Variants in PTPRD observed in about 807,000 individuals in gnomAD.
The protein encoded by PTPRD is protein tyrosine phosphatase receptor type D.
PTPRD carries 34 observed loss-of-function variants against 214.5 expected under a neutral mutation model. That is an observed-to-expected ratio of 0.16 (90% CI 0.12 to 0.21). The LOEUF is 0.21. Ranked by LOEUF, PTPRD falls within the 10% of genes least tolerant of loss-of-function variation. PTPRD has a pLI of 1.00. For synonymous variants in PTPRD, 1,128 were observed against 845.7 expected (o/e 1.33, Z -5.79); for missense variants, 2,545 against 2,398.7 (o/e 1.06, Z -1.27).
intron 7 of PTPRD, among the ~76,000 whole-genome samples, chr9:9,680,227 A>G (rs539074226): frequency 1.3e-5 from 2 of 151,940 alleles, no homozygotes; most frequent in South Asian, 2.1e-4. Context: ...AAAAGCCTTT[A>G]TCTTTGGTAA....
At chr9:8,471,147 C>A (rs2134962921) in intron 30 of PTPRD, 62 bp from the exon 31 acceptor site, 1 of 1,395,670 alleles carries the variant, frequency 7.2e-7, no homozygotes, top group South Asian at 1.2e-5. Context: ...TGGATATACC[C>A]TTAAACCTTC....
intron 11 of PTPRD, among the ~76,000 whole-genome samples, chr9:8,788,686 C>A (rs2096097237): frequency 6.6e-6 from 1 of 152,148 alleles, no homozygotes; most frequent in South Asian, 2.1e-4. Flanking sequence ...TCTTATCATT[C>A]GAATCAGCCA....
At chr9:10,125,423 T>TTA (rs2098809288) in intron 3 of PTPRD, among the ~76,000 whole-genome samples, 2 of 133,556 alleles carry the variant, frequency 1.5e-5, no homozygotes, top group South Asian at 4.8e-4. Context: ...TTTGTTTTAT[T>TTA]TTATTATTAT....
At chr9:8,763,296 G>A (rs927171406) in intron 11 of PTPRD, among the ~76,000 whole-genome samples, 2 of 151,974 alleles carry the variant, frequency 1.3e-5, no homozygotes, top group African/African-American at 2.4e-5. Context: ...TGGATCGCCT[G>A]AAACCAGGAG....
At chr9:9,677,356 G>A (rs544871996) in intron 7 of PTPRD, among the ~76,000 whole-genome samples, 11 of 151,956 alleles carry the variant, frequency 7.2e-5, no homozygotes, top group African/African-American at 2.2e-4. Context: ...TGGCTAGCCA[G>A]TTTTCCCAGC....
intron 5 of PTPRD, among the ~76,000 whole-genome samples, chr9:9,935,922 T>G (rs12235240): frequency 6.7e-6 from 1 of 148,950 alleles, no homozygotes; most frequent in Non-Finnish European, 1.5e-5. Flanking sequence ...GAAATAATGC[T>G]GCATATCTAC....
At chr9:9,491,970 G>C (rs780694694) in intron 8 of PTPRD, among the ~76,000 whole-genome samples, 5 of 151,866 alleles carry the variant, frequency 3.3e-5, no homozygotes, top group Non-Finnish European at 7.4e-5. Flanking sequence ...TCTTTAAAAG[G>C]ATTTTTTAAA....
At chr9:10,592,853 A>G (rs1442482936) in intron 2 of PTPRD, among the ~76,000 whole-genome samples, 3 of 151,966 alleles carry the variant, frequency 2.0e-5, no homozygotes, top group African/African-American at 7.2e-5. Context: ...GAAACGGAAC[A>G]TGGGCGGGGA....
intron 8 of PTPRD, among the ~76,000 whole-genome samples, chr9:9,482,738 A>G (rs1394417397): frequency 6.6e-6 from 1 of 152,320 alleles, no homozygotes; most frequent in Middle Eastern, 3.4e-3. Context: ...GAAATTACAA[A>G]TATTCACAGA....
chr9:9,701,968 A>C (rs1218849432), intron 7 of PTPRD, among the ~76,000 whole-genome samples: 2 of 151,924 alleles, frequency 1.3e-5, no homozygotes, highest in Non-Finnish European at 2.9e-5. Context: ...AAAATACAAA[A>C]ATTAGCCAGG....
At chr9:10,408,773 C>A (rs1258968285) in intron 2 of PTPRD, among the ~76,000 whole-genome samples, 1 of 151,614 alleles carries the variant, frequency 6.6e-6, no homozygotes, top group African/African-American at 2.4e-5. Flanking sequence ...CTTTCTAAGA[C>A]TCAGTTGACC....
At chr9:9,300,027 A>G (rs1954684822) in intron 9 of PTPRD, among the ~76,000 whole-genome samples, 1 of 149,850 alleles carries the variant, frequency 6.7e-6, no homozygotes, top group Non-Finnish European at 1.5e-5. Context: ...CACAATTTTT[A>G]AATTTACTAC....
Position 9,018,253 on chromosome 9 carries a change from G to A in PTPRD, c.-104+444C>T, listed in dbSNP as rs369718402. 6.6e-5 allele frequency among the ~76,000 whole-genome samples: 10 copies of A among 152,172 alleles called. No individual in the cohort carries two copies. The East Asian group carries it at 1.4e-3, about 21-fold the overall frequency. On this transcript the variant is annotated intron_variant, in intron 11 of 45. Coordinates refer to ENST00000381196, the MANE Select transcript of PTPRD (RefSeq NM_002839.4). ...TGTTAACAGAATCATGGTTCCACAC[G>A]AGGTGGAGTTTGGGGAAATGAATCA...
chr9:8,675,412 T>C (rs949377223), intron 12 of PTPRD, among the ~76,000 whole-genome samples: 3 of 151,716 alleles, frequency 2.0e-5, no homozygotes, highest in East Asian at 1.9e-4. Flanking sequence ...AACGTAAGTA[T>C]TGTCTCACGC....
At chr9:9,081,440 G>C (rs902915548) in intron 10 of PTPRD, among the ~76,000 whole-genome samples, 1 of 152,098 alleles carries the variant, frequency 6.6e-6, no homozygotes, top group South Asian at 2.1e-4. Context: ...TAGAATAAGT[G>C]TGATGCACTC....
intron 2 of PTPRD, among the ~76,000 whole-genome samples, chr9:10,396,257 T>C (rs1234229124): frequency 6.6e-6 from 1 of 151,976 alleles, no homozygotes; most frequent in Non-Finnish European, 1.5e-5. Context: ...ATCTCAGAAA[T>C]AGCAAGTTTA....
At chr9:9,212,912 G>C (rs368056246) in intron 9 of PTPRD, among the ~76,000 whole-genome samples, 1 of 152,078 alleles carries the variant, frequency 6.6e-6, no homozygotes, top group East Asian at 1.9e-4. Flanking sequence ...TTGAACTCCC[G>C]TGCCTTTGGT....
chr9:8,543,908 C>T (rs924776688), intron 14 of PTPRD, among the ~76,000 whole-genome samples: 1 of 152,046 alleles, frequency 6.6e-6, no homozygotes, highest in African/African-American at 2.4e-5. Flanking sequence ...GACGGGGTTT[C>T]ACCATATTGG....
chr9:8,440,100 CT>C (rs1349785198), intron 34 of PTPRD, among the ~76,000 whole-genome samples: 1 of 151,428 alleles, frequency 6.6e-6, no homozygotes, highest in East Asian at 1.9e-4. Context: ...CCATTTATTC[CT>C]TTTTTTCCCA....
Sources: allele counts gnomAD v4.1 joint callset (sites outside exome capture counted in the v4.1 genomes callset), GRCh38; gene constraint gnomAD v4.1.1; transcripts MANE v1.5; gene names NCBI Gene and HGNC (gene_info 2026-07-23, HGNC 2026-07-21).